Variants in PCDHA2 observed in about 807,000 individuals in gnomAD.
PCDHA2 encodes the protein protocadherin alpha-2.
In PCDHA2, 58 loss-of-function variants were observed where a neutral mutation model predicts 66.0. That is an observed-to-expected ratio of 0.88 (90% CI 0.71 to 1.09). The LOEUF is 1.09. Among genes scored for constraint, PCDHA2 ranks in the 50% least tolerant of loss-of-function variants. The pLI, the probability that PCDHA2 is intolerant of heterozygous loss-of-function variation, is 0.00. For synonymous variants in PCDHA2, 634 were observed against 554.0 expected (o/e 1.14, Z -2.03); for missense variants, 1,267 against 1,242.3 (o/e 1.02, Z -0.30).
At chr5:140,870,491 T>C (rs781889223) in intron 1 of PCDHA2, 10 of 1,614,076 alleles carry the variant, frequency 6.2e-6, no homozygotes, top group Non-Finnish European at 8.5e-6. Context: ...ACCGTGTTCG[T>C]GAAGGAGAAC....
At chr5:140,844,829 G>A (rs1252495421) in intron 1 of PCDHA2, among the ~76,000 whole-genome samples, 1 of 148,848 alleles carries the variant, frequency 6.7e-6, no homozygotes, top group East Asian at 1.9e-4. Flanking sequence ...CTTTTTACAC[G>A]TTTGCTTCTT....
chr5:140,855,049 C>G (rs188702829), intron 1 of PCDHA2, among the ~76,000 whole-genome samples: 3 of 149,820 alleles, frequency 2.0e-5, no homozygotes, highest in South Asian at 2.1e-4. Context: ...TGTAATAGTA[C>G]TTTTCTGTTT....
At chr5:140,841,860 T>C (rs2150324281) in intron 1 of PCDHA2, 1 of 1,613,766 alleles carries the variant, frequency 6.2e-7, no homozygotes, top group Admixed American at 1.7e-5. Context: ...TACTTCATGC[T>C]AGATGTGAAT....
chr5:140,808,666 G>T (rs1409073063), intron 1 of PCDHA2: 3 of 1,612,844 alleles, frequency 1.9e-6, no homozygotes, highest in African/African-American at 1.3e-5. Flanking sequence ...TGTCCTACTC[G>T]CTGGTAGAGC....
intron 1 of PCDHA2, 97 bp downstream of exon 1, chr5:140,797,449 T>A: frequency 7.5e-7 from 1 of 1,326,536 alleles, no homozygotes; most frequent in South Asian, 1.4e-5. Flanking sequence ...GTTCTTCATT[T>A]ATTTTATATC....
intron 1 of PCDHA2, chr5:140,856,875 T>A: frequency 1.9e-6 from 3 of 1,595,778 alleles, no homozygotes; most frequent in Non-Finnish European, 2.6e-6. Context: ...AACAAGGAAA[T>A]GATGTATTCA....
intron 1 of PCDHA2, among the ~76,000 whole-genome samples, chr5:140,948,865 C>A (rs1358865868): frequency 1.3e-5 from 2 of 151,324 alleles, no homozygotes; most frequent in Non-Finnish European, 3.0e-5. Context: ...TATATTACTT[C>A]GGGTTTACTT....
At chr5:140,823,973 G>A in intron 1 of PCDHA2, 1 of 1,614,090 alleles carries the variant, frequency 6.2e-7, no homozygotes, top group South Asian at 1.1e-5. Context: ...GTGTGCACAC[G>A]GGGCAAGCCC....
At chr5:140,876,660 G>C in intron 1 of PCDHA2, 1 of 1,614,216 alleles carries the variant, frequency 6.2e-7, no homozygotes, top group Non-Finnish European at 8.5e-7. Context: ...TTCCCTTCAA[G>C]CTGGTGTCCA....
chr5:140,882,133 G>A, intron 1 of PCDHA2: 1 of 1,483,612 alleles, frequency 6.7e-7, no homozygotes, highest in Non-Finnish European at 9.0e-7. Flanking sequence ...TCTTCCTGCA[G>A]AAAATATAGC....
intron 1 of PCDHA2, among the ~76,000 whole-genome samples, chr5:140,826,672 G>T (rs1290845533): frequency 6.6e-6 from 1 of 152,028 alleles, no homozygotes; most frequent in African/African-American, 2.4e-5. Flanking sequence ...AATTGTAGAC[G>T]TAATTAAAAA....
intron 1 of PCDHA2, chr5:140,967,458 A>T (rs1042156831): frequency 6.2e-7 from 1 of 1,613,546 alleles, no homozygotes; most frequent in Non-Finnish European, 8.5e-7. Flanking sequence ...ACAGCCGTGG[A>T]TGGGGGCATC....
chr5:140,876,883 G>T (rs192756440), intron 1 of PCDHA2: 45 of 1,614,016 alleles, frequency 2.8e-5, no homozygotes, highest in Non-Finnish European at 3.6e-5. Context: ...CAACCCGCCG[G>T]GCTGCCACAT....
chr5:140,926,414 A>C, intron 1 of PCDHA2: 1 of 152,834 alleles, frequency 6.5e-6, no homozygotes, highest in Non-Finnish European at 1.5e-5. Context: ...ATCTGCGGGC[A>C]GAGGATGTGG....
At chr5:140,830,868 G>A (rs2150190199) in intron 1 of PCDHA2, 7 of 153,410 alleles carry the variant, frequency 4.6e-5, no homozygotes, top group African/African-American at 9.6e-5. Context: ...ATCATATATT[G>A]AAATTTGAGC....
At chr5:140,887,544 CATGG>C (rs2061491541) in intron 1 of PCDHA2, among the ~76,000 whole-genome samples, 2 of 152,098 alleles carry the variant, frequency 1.3e-5, no homozygotes, top group Non-Finnish European at 2.9e-5. Context: ...CCCCACCCCT[CATGG>C]TTACTGTTAA....
chr5:140,924,931 T>C (rs1414085243), intron 1 of PCDHA2, among the ~76,000 whole-genome samples: 1 of 125,890 alleles, frequency 7.9e-6, no homozygotes, highest in Admixed American at 8.0e-5. Context: ...TAAAATAAAA[T>C]AAAATAAAAA....
In PCDHA2 at chr5:140,952,684, C is replaced by T. The variant is rs1165956619; in HGVS notation, c.2389-26265C>T. On this transcript the variant is annotated intron_variant, in intron 1 of 3. Coordinates refer to ENST00000526136, the MANE Select transcript of PCDHA2 (RefSeq NM_018905.3). The stretch of plus-strand genomic sequence containing the variant: ...AAAGTCACTTTCACATTTTCAGGAT[C>T]TTTATAGCAATATCCCACTCTCAGT... Among the ~76,000 whole-genome samples the T allele has an allele frequency of 2.0e-5, 3 of 152,308 alleles. No individual in the cohort carries two copies. The East Asian group carries it at 5.8e-4, about 29-fold the overall frequency.
intron 1 of PCDHA2, chr5:140,823,182 A>G (rs2150123254): frequency 2.1e-5 from 34 of 1,613,728 alleles, no homozygotes; most frequent in South Asian, 1.1e-4. Context: ...ACAACCCGCC[A>G]GGCTGCCACA....
Sources: allele counts gnomAD v4.1 joint callset (sites outside exome capture counted in the v4.1 genomes callset), GRCh38; gene constraint gnomAD v4.1.1; transcripts MANE v1.5; gene names NCBI Gene and HGNC (gene_info 2026-07-23, HGNC 2026-07-21).